The following PTPRU variants were observed in gnomAD, a reference collection of about 807,000 sequenced individuals.
PTPRU encodes receptor-type tyrosine-protein phosphatase U.
PTPRU carries 69 observed loss-of-function variants against 166.3 expected under a neutral mutation model. The observed-to-expected ratio is 0.41, with a 90% CI of 0.34 to 0.51. PTPRU has a LOEUF of 0.51. PTPRU is among the 20% of genes least tolerant of loss of function. The probability of loss-of-function intolerance (pLI) is 0.09; values close to 1 mark genes in which losing one functional copy is unlikely to be tolerated. For synonymous variants in PTPRU, 793 were observed against 814.0 expected, an observed-to-expected ratio of 0.97 and a Z score of 0.44; for missense variants, 1,657 against 2,013.7, an observed-to-expected ratio of 0.82 and a Z score of 3.39.
At chr1:29,268,485 G>T (rs1021462988) in intron 7 of PTPRU, among the ~76,000 whole-genome samples, 4 of 152,168 alleles carry the variant, frequency 2.6e-5, no homozygotes, top group African/African-American at 7.2e-5. Context: ...ACATAAGAAA[G>T]AATTATCTAG....
intron 11 of PTPRU, among the ~76,000 whole-genome samples, chr1:29,281,917 G>A (rs745939888): frequency 6.6e-6 from 1 of 152,212 alleles, no homozygotes; most frequent in Non-Finnish European, 1.5e-5. Context: ...TCTCCACTTT[G>A]TTCTGCAGAG....
At position 29,275,716 on chromosome 1, in the gene PTPRU, C is replaced by T. The variant is rs1406991274; in HGVS notation, c.1413C>T (p.Arg471=). ...VRLVLTNPEG[R]KEGKEVTFQT... Reference sequence around the variant, plus strand: ...TTGTCCTCACTAACCCTGAGGGGCGCAAAGAGGGCAAGGAGGTCACTTTCC... The same window carrying T: ...TTGTCCTCACTAACCCTGAGGGGCGTAAAGAGGGCAAGGAGGTCACTTTCC... Residue 471 remains arginine, a synonymous_variant, in exon 8 of 30, where the codon CGC becomes CGT. Coordinates refer to ENST00000373779, the MANE Select transcript of PTPRU (RefSeq NM_133178.4). The T allele has an allele frequency of 1.9e-6, 3 of 1,614,070 alleles. No homozygotes were observed. The highest frequency in any genetic ancestry group is 2.5e-6 in the Non-Finnish European group (3 of 1,180,044).
chr1:29,279,894 A>G lies in PTPRU; in HGVS notation c.1766-145A>G, dbSNP rs977060163. The G allele has an allele frequency of 3.6e-5, 35 of 964,278 alleles. No individual in the cohort carries two copies. The highest frequency in any genetic ancestry group is 5.0e-5 in the Non-Finnish European group (32 of 645,268). The allele number at this position is 964,278 out of a possible 1,614,324, so 59.7% of individuals were successfully genotyped here. ...GGGCTGGTGCCTGAGGTCAGGGGCC[A>G]GGGTAGCTCAGGTCATGTCAGCAGG... On this transcript the variant is annotated intron_variant, in intron 10 of 29. Coordinates refer to ENST00000373779, the MANE Select transcript of PTPRU (RefSeq NM_133178.4). The surrounding 1 kb of genome is among the most constrained non-coding windows in gnomAD (Gnocchi z 5.2).
chr1:29,301,575 C>T (rs1687135572), intron 15 of PTPRU, among the ~76,000 whole-genome samples: 1 of 152,078 alleles, frequency 6.6e-6, no homozygotes, highest in African/African-American at 2.4e-5. Flanking sequence ...AAGAAGGCAC[C>T]ATTTTCTTTC....
At chr1:29,240,664 C>T (rs1347361889) in intron 1 of PTPRU, among the ~76,000 whole-genome samples, 1 of 152,188 alleles carries the variant, frequency 6.6e-6, no homozygotes, top group African/African-American at 2.4e-5. Context: ...CAGCCCCTCC[C>T]CCAGGCTCTG....
At chr1:29,258,865 G>A in intron 3 of PTPRU, 89 bp downstream of exon 3, 2 of 1,491,324 alleles carry the variant, frequency 1.3e-6, no homozygotes, top group Admixed American at 4.6e-5. Flanking sequence ...AGTGGCTGAA[G>A]TTAGAATGTG....
At chr1:29,251,521 C>G (rs1271105354) in intron 1 of PTPRU, among the ~76,000 whole-genome samples, 1 of 152,124 alleles carries the variant, frequency 6.6e-6, no homozygotes, top group East Asian at 1.9e-4. Context: ...TGAGGTCGGC[C>G]TATTTGGGGG....
rs1558555462 is a variant in PTPRU, at chr1:29,259,309, C to G, written c.526C>G (p.Leu176Val). ...ISPDRRGYMG[L>V]DDILLLSYPC... ...CCCAGACCGCAGGGGCTACATGGGC[C>G]TAGATGACATCCTGCTTCTCAGCTA... The change falls in exon 4 of 30, where the codon CTA (leucine) becomes GTA (valine). Residue 176 changes from leucine (L) to valine (V), a missense_variant. Leu to Val is a conservative substitution (Grantham distance 32, BLOSUM62 1). Around this residue, in one of 3 missense-constraint regions of PTPRU, gnomAD observed 453 missense variants for 496.9 expected, o/e 0.91. Transcript: ENST00000373779. 1 of 1,614,128 alleles carries G rather than the reference C, an allele frequency of 6.2e-7. No individual in the cohort carries two copies. Among genetic ancestry groups the G allele is most frequent in the Non-Finnish European group, 8.5e-7 (1 of 1,179,998 alleles).
At chr1:29,308,414 A>G (rs1687496191) in intron 18 of PTPRU, among the ~76,000 whole-genome samples, 1 of 151,630 alleles carries the variant, frequency 6.6e-6, no homozygotes, top group African/African-American at 2.4e-5. Flanking sequence ...AAAAAATACA[A>G]AAATTAGCTG....
chr1:29,270,076 A>C (rs1428380670), intron 7 of PTPRU, among the ~76,000 whole-genome samples: 1 of 152,118 alleles, frequency 6.6e-6, no homozygotes, highest in African/African-American at 2.4e-5. Context: ...TTTAGGATAA[A>C]GTGTCAGGAG....
chr1:29,285,551 T>C (rs1686303664), intron 14 of PTPRU, among the ~76,000 whole-genome samples: 1 of 152,206 alleles, frequency 6.6e-6, no homozygotes, highest in Non-Finnish European at 1.5e-5. Flanking sequence ...GAACCTAGAA[T>C]CTTGCAGTTT....
At chr1:29,301,251 G>A (rs565665069) in intron 15 of PTPRU, among the ~76,000 whole-genome samples, 2 of 152,298 alleles carry the variant, frequency 1.3e-5, no homozygotes, top group Non-Finnish European at 2.9e-5. Flanking sequence ...AATGGACCAC[G>A]TATACCATGG....
At chr1:29,300,510 C>T (rs1447743432) in intron 15 of PTPRU, among the ~76,000 whole-genome samples, 1 of 152,170 alleles carries the variant, frequency 6.6e-6, no homozygotes, top group Non-Finnish European at 1.5e-5. Context: ...ATCTTGCATA[C>T]CTACGATTTT....
At chr1:29,255,145 G>A in intron 1 of PTPRU, 130 bp from the exon 2 acceptor site, 1 of 1,114,946 alleles carries the variant, frequency 9.0e-7, no homozygotes, top group East Asian at 2.6e-5. Context: ...GGAGCAGTGT[G>A]GGGAAGGGCC....
chr1:29,258,859 G>A, intron 3 of PTPRU, 83 bp downstream of exon 3: 1 of 1,501,298 alleles, frequency 6.7e-7, no homozygotes, highest in East Asian at 2.3e-5. Flanking sequence ...TAGATGAGTG[G>A]CTGAAGTTAG....
At chr1:29,258,409 C>T in intron 2 of PTPRU, 96 bp from the exon 3 acceptor site, 1 of 1,378,518 alleles carries the variant, frequency 7.3e-7, no homozygotes, top group Non-Finnish European at 9.9e-7. Flanking sequence ...CTGGTGGGTC[C>T]CGTTGCCTGG....
chr1:29,282,464 A>G (rs900154929), intron 11 of PTPRU, among the ~76,000 whole-genome samples: 2 of 152,140 alleles, frequency 1.3e-5, no homozygotes, highest in Admixed American at 6.5e-5. Flanking sequence ...CTTCCCATCT[A>G]TCTTCTGAAC....
At chr1:29,258,112 A>G (rs1392034500) in intron 2 of PTPRU, among the ~76,000 whole-genome samples, 3 of 152,048 alleles carry the variant, frequency 2.0e-5, no homozygotes, top group Admixed American at 2.0e-4. Context: ...CTACAGGCAC[A>G]TGCTACCACA....
chr1:29,269,260 T>A (rs1685455160), intron 7 of PTPRU, among the ~76,000 whole-genome samples: 1 of 116,008 alleles, frequency 8.6e-6, no homozygotes, highest in African/African-American at 3.1e-5. Context: ...TTTTTTTTTT[T>A]TTTTTTTTTT....
Sources: gnomAD v4.1 joint callset for allele counts (sites outside exome capture counted in the v4.1 genomes callset) on GRCh38, gnomAD v4.1.1 for gene constraint, gnomAD v4.1.1 regional missense constraint, Gnocchi (gnomAD v3.1) non-coding constraint, MANE v1.5 for transcripts, NCBI Gene and HGNC (gene_info 2026-07-23, HGNC 2026-07-21) for gene names.